Variants in PSG3 observed in about 807,000 individuals in gnomAD.
PSG3 encodes pregnancy specific beta-1-glycoprotein 3, also known as pregnancy-specific beta-1-glycoprotein 3.
Under a neutral mutation model 47.5 loss-of-function variants are expected in PSG3, and 61 were observed. The observed-to-expected ratio is 1.28, with a 90% CI of 1.05 to 1.59. PSG3 has a LOEUF of 1.59. PSG3 is among the 40% of genes most tolerant of loss of function. The pLI is 0.00. For synonymous variants in PSG3, 263 were observed against 198.4 expected, an observed-to-expected ratio of 1.33 and a Z score of -2.74; for missense variants, 756 against 524.0, an observed-to-expected ratio of 1.44 and a Z score of -4.32.
chr19:42,730,120 T>G, intron 3 of PSG3, 64 bp from the exon 4 acceptor site: 1 of 1,595,794 alleles, frequency 6.3e-7, no homozygotes, highest in Non-Finnish European at 8.5e-7. Context: ...CTGGCATCCT[T>G]CAATCAGAGT....
intron 5 of PSG3, among the ~76,000 whole-genome samples, chr19:42,727,847 T>C (rs559138884): frequency 1.3e-5 from 2 of 152,336 alleles, no homozygotes; most frequent in East Asian, 3.9e-4. Context: ...TTACTCACAC[T>C]AGCCAAAAAA....
At chr19:42,738,242 T>C (rs1969599025) in intron 2 of PSG3, among the ~76,000 whole-genome samples, 1 of 152,210 alleles carries the variant, frequency 6.6e-6, no homozygotes, top group Non-Finnish European at 1.5e-5. Flanking sequence ...TGGTAAATCC[T>C]TGGTCCCAGT....
intron 5 of PSG3, among the ~76,000 whole-genome samples, chr19:42,728,115 G>C (rs1472340962): frequency 1.3e-5 from 2 of 152,210 alleles, no homozygotes; most frequent in Non-Finnish European, 2.9e-5. Context: ...CTAAGGTTTA[G>C]GGGGAGAAGG....
chr19:42,728,586 A>G (rs1041243860), intron 5 of PSG3, among the ~76,000 whole-genome samples: 6 of 152,196 alleles, frequency 3.9e-5, no homozygotes, highest in African/African-American at 1.2e-4. Flanking sequence ...TTCTCCACAG[A>G]TGCTGGTCCC....
intron 4 of PSG3, 149 bp downstream of exon 4, chr19:42,729,629 A>T: frequency 6.6e-7 from 1 of 1,515,758 alleles, no homozygotes; most frequent in Non-Finnish European, 8.8e-7. Context: ...GCCTACCCAG[A>T]TCTTCCCAGG....
At chr19:42,726,250 C>T (rs1056480200) in intron 5 of PSG3, among the ~76,000 whole-genome samples, 1 of 152,088 alleles carries the variant, frequency 6.6e-6, no homozygotes, top group African/African-American at 2.4e-5. Context: ...AGGGTGCCTG[C>T]TTTTGACACT....
chr19:42,740,004 G>A (rs184101170), intron 1 of PSG3, among the ~76,000 whole-genome samples: 205 of 150,954 alleles, frequency 1.4e-3, no homozygotes, highest in African/African-American at 3.7e-3. Context: ...CCAGGCTGGC[G>A]TGCAGTGGCA....
intron 5 of PSG3, among the ~76,000 whole-genome samples, chr19:42,726,899 G>T (rs1380199833): frequency 6.6e-6 from 1 of 152,186 alleles, no homozygotes; most frequent in African/African-American, 2.4e-5. Context: ...CAAAGCCCCA[G>T]TAATCAATAC....
intron 6 of PSG3, among the ~76,000 whole-genome samples, chr19:42,723,667 GA>G (rs1969330524): frequency 6.6e-6 from 1 of 152,220 alleles, no homozygotes; most frequent in African/African-American, 2.4e-5. Context: ...AAATAATGAA[GA>G]GGGTTTCACC....
chr19:42,723,211 C>T (rs1442511237), intron 6 of PSG3, among the ~76,000 whole-genome samples: 1 of 152,192 alleles, frequency 6.6e-6, no homozygotes, highest in Non-Finnish European at 1.5e-5. Context: ...CTCAGGTTCA[C>T]ATGTTAATCC....
intron 6 of PSG3, among the ~76,000 whole-genome samples, chr19:42,723,167 A>G (rs1261053272): frequency 6.6e-6 from 1 of 152,244 alleles, no homozygotes. Context: ...TCATCAGGAA[A>G]AGATCTCAAC....
intron 2 of PSG3, among the ~76,000 whole-genome samples, chr19:42,738,131 C>CT (rs1262277580): frequency 6.6e-6 from 1 of 152,186 alleles, no homozygotes; most frequent in Non-Finnish European, 1.5e-5. Context: ...CCTCTCCACT[C>CT]TGAGTGTCAG....
chr19:42,736,586 T>C (rs1291191174), intron 2 of PSG3, among the ~76,000 whole-genome samples: 1 of 151,360 alleles, frequency 6.6e-6, no homozygotes, highest in Non-Finnish European at 1.5e-5. Flanking sequence ...AATCTTTCTT[T>C]ACTACAAACC....
intron 5 of PSG3, 112 bp downstream of exon 5, chr19:42,729,011 C>T (rs1432146773): frequency 1.3e-6 from 2 of 1,590,848 alleles, no homozygotes; most frequent in Admixed American, 1.7e-5. Context: ...TTGGGATTTG[C>T]TTGTGCCCAT....
intron 5 of PSG3, among the ~76,000 whole-genome samples, chr19:42,724,759 T>C (rs770910311): frequency 3.3e-5 from 5 of 152,102 alleles, no homozygotes; most frequent in Admixed American, 6.6e-5. Context: ...TGGATGCATC[T>C]CAGTCAGTAA....
intron 5 of PSG3, among the ~76,000 whole-genome samples, chr19:42,728,619 C>T (rs1322417520): frequency 6.6e-6 from 1 of 152,234 alleles, no homozygotes; most frequent in African/African-American, 2.4e-5. Flanking sequence ...TCAGGCAGGG[C>T]CAGTCACCAG....
intron 4 of PSG3, 65 bp downstream of exon 4, chr19:42,729,713 C>T (rs1969438907): frequency 2.5e-6 from 4 of 1,576,468 alleles, no homozygotes; most frequent in Non-Finnish European, 3.4e-6. Flanking sequence ...GAGTGAGAGG[C>T]CTGGCCTCTG....
chr19:42,721,686 C>G lies in PSG3; in HGVS notation c.*445G>C, dbSNP rs544092452. 4.2e-5 allele frequency: 14 copies of G among 332,662 alleles called. No homozygotes were observed. The highest frequency in any genetic ancestry group is 6.5e-5 in the Non-Finnish European group (12 of 184,902). 20.6% of individuals were successfully genotyped at this position (332,662 alleles called of 1,614,324 possible). ...TTATTACCATAAACATATGAATACT[C>G]CTGAATAGTTTCCCAATTCTGGGGC... On this transcript the variant is annotated 3_prime_UTR_variant, in exon 7 of 7. Coordinates refer to ENST00000327495, the MANE Select transcript of PSG3 (RefSeq NM_021016.4).
intron 6 of PSG3, among the ~76,000 whole-genome samples, chr19:42,722,553 C>A (rs182194603): frequency 6.6e-6 from 1 of 152,148 alleles, no homozygotes; most frequent in Non-Finnish European, 1.5e-5. Flanking sequence ...CGCACCCAGC[C>A]TAGAATACTC....
Sources: allele counts gnomAD v4.1 joint callset (sites outside exome capture counted in the v4.1 genomes callset), GRCh38; gene constraint gnomAD v4.1.1; transcripts MANE v1.5; gene names NCBI Gene and HGNC (gene_info 2026-07-23, HGNC 2026-07-21).